The following EXOC6 variants were observed in gnomAD, a reference collection of about 807,000 sequenced individuals.
EXOC6 encodes exocyst complex component 6.
In EXOC6, 60 loss-of-function variants were observed where a neutral mutation model predicts 112.5. The ratio of observed to expected loss-of-function variants is 0.53; its 90% confidence interval spans 0.43 to 0.66. The LOEUF is 0.66. Ranked by LOEUF, EXOC6 falls within the 30% of genes least tolerant of loss-of-function variation. EXOC6 has a pLI of 0.00. For synonymous variants in EXOC6, 295 were observed against 308.0 expected (o/e 0.96, Z 0.44); for missense variants, 855 against 957.1 (o/e 0.89, Z 1.41).
intron 18 of EXOC6, among the ~76,000 whole-genome samples, chr10:92,991,803 C>T (rs1240418344): frequency 6.6e-6 from 1 of 151,346 alleles, no homozygotes; most frequent in African/African-American, 2.4e-5. Flanking sequence ...TGTCTCATAC[C>T]CTTATGATTG....
intron 20 of EXOC6, among the ~76,000 whole-genome samples, chr10:93,035,546 T>C (rs961029936): frequency 6.6e-6 from 1 of 152,190 alleles, no homozygotes; most frequent in Admixed American, 6.5e-5. Flanking sequence ...TACATAGCTA[T>C]AGTATTTGTC....
At chr10:92,864,975 A>G (rs1848108205) in intron 1 of EXOC6, among the ~76,000 whole-genome samples, 1 of 152,180 alleles carries the variant, frequency 6.6e-6, no homozygotes, top group Non-Finnish European at 1.5e-5. Context: ...ACCCTGACTA[A>G]TTCAGAAATT....
At position 93,056,361 on chromosome 10, in the gene EXOC6, A is replaced by G. The variant is rs917901519; in HGVS notation, c.2170-563A>G. Among the ~76,000 whole-genome samples, 6 of 152,336 alleles carry G rather than the reference A, an allele frequency of 3.9e-5. No homozygotes were observed. In the East Asian group the frequency reaches 7.7e-4, roughly 20 times the overall value. The stretch of plus-strand genomic sequence containing the variant: ...TAACAGGCTGAATCCTGAAGCCCTC[A>G]TTTCATAATACTACAGAGGATCTAT... On this transcript the variant is annotated intron_variant, in intron 20 of 21. Transcript: ENST00000260762.
chr10:92,952,262 T>G lies in EXOC6; in HGVS notation c.1417-11T>G. The G allele has an allele frequency of 6.5e-7, 1 of 1,532,528 alleles. No homozygotes were observed. The highest frequency in any genetic ancestry group is 1.8e-5 in the Admixed American group (1 of 54,156). 94.9% of individuals were successfully genotyped at this position (1,532,528 alleles called of 1,614,324 possible). ...AATTTCAAAAACAATATTAACTTTC[T>G]TTTTCTACAGCAGTCTTTCCCAAAG... On this transcript the variant is annotated splice_polypyrimidine_tract_variant and intron_variant, in intron 14 of 21. Coordinates refer to ENST00000260762, the MANE Select transcript of EXOC6 (RefSeq NM_019053.6).
chr10:92,915,716 A>G (rs780060306), intron 6 of EXOC6, 42 bp from the exon 7 acceptor site: 10 of 1,413,040 alleles, frequency 7.1e-6, no homozygotes, highest in Middle Eastern at 2.0e-4. Context: ...TTTGACCATA[A>G]TCAGTTTTGA....
intron 20 of EXOC6, among the ~76,000 whole-genome samples, chr10:93,033,655 A>G (rs1156774593): frequency 1.3e-5 from 2 of 152,244 alleles, no homozygotes; most frequent in East Asian, 3.8e-4. Flanking sequence ...AAATAAATTA[A>G]GCGTTTGTTA....
chr10:92,954,712 A>T lies in EXOC6; in HGVS notation c.1609A>T (p.Ile537Phe), dbSNP rs150320790. ...TTTGAGTAGCTGTTTACTGAACCTT[A>T]TTAGAAAACCTCATATAGGTTTGAC... Reference protein sequence around the residue: ...RTLSSCLLNLIRKPHIGLTEL... With the variant: ...RTLSSCLLNLFRKPHIGLTEL... Residue 537 changes from isoleucine to phenylalanine, a missense_variant, in exon 16 of 22, where the codon ATT becomes TTT. Coordinates refer to ENST00000260762, the MANE Select transcript of EXOC6 (RefSeq NM_019053.6). 2.5e-6 allele frequency: 4 copies of T among 1,595,802 alleles called. No individual in the cohort carries two copies. Among genetic ancestry groups the T allele is most frequent in the East Asian group, 4.5e-5 (2 of 44,672 alleles).
chr10:92,974,676 C>G (rs973265486), intron 18 of EXOC6, among the ~76,000 whole-genome samples: 1 of 151,096 alleles, frequency 6.6e-6, no homozygotes. Context: ...CCTGATTCTC[C>G]TGCCTCAGCC....
At chr10:92,899,494 A>C in intron 4 of EXOC6, 105 bp from the exon 5 acceptor site, 1 of 705,922 alleles carries the variant, frequency 1.4e-6, no homozygotes, top group Non-Finnish European at 2.3e-6. Context: ...AAGTTGTAGA[A>C]GTCTAATGAA....
At chr10:92,951,646 A>G (rs1415979115) in intron 14 of EXOC6, among the ~76,000 whole-genome samples, 2 of 152,192 alleles carry the variant, frequency 1.3e-5, no homozygotes, top group African/African-American at 4.8e-5. Flanking sequence ...TTTAATAACA[A>G]TCTTGGAAGG....
chr10:92,974,761 T>TTTC (rs922355475), intron 18 of EXOC6, among the ~76,000 whole-genome samples: 1 of 151,978 alleles, frequency 6.6e-6, no homozygotes, highest in African/African-American at 2.4e-5. Context: ...GGAGACGGGG[T>TTTC]TTCGCTGTGT....
chr10:92,993,932 C>T (rs1313639660), intron 18 of EXOC6, among the ~76,000 whole-genome samples: 1 of 152,164 alleles, frequency 6.6e-6, no homozygotes. Context: ...ACATAGGTTA[C>T]TTAGAGAATG....
upstream of EXOC6, chr10:92,848,453 CTTCG>C: frequency 1.5e-5 from 17 of 1,113,850 alleles, no homozygotes; most frequent in Non-Finnish European, 1.9e-5. Context: ...CGCCCCGCCC[CTTCG>C]CGCTCGCGCC....
chr10:92,961,846 G>T (rs539000067), intron 17 of EXOC6, among the ~76,000 whole-genome samples: 1 of 152,088 alleles, frequency 6.6e-6, no homozygotes, highest in Non-Finnish European at 1.5e-5. Flanking sequence ...TTGCAAACCT[G>T]ATGACAAACA....
At position 92,976,625 on chromosome 10, in the gene EXOC6, C is replaced by T. The variant is rs762157280; in HGVS notation, c.1953+2393C>T. ...CACTATTGTCCTATGACCCTGCCAT[C>T]CCCCTCTGCGAGAAACACCCAAGAA... On this transcript the variant is annotated intron_variant, in intron 18 of 21. Coordinates refer to ENST00000260762, the MANE Select transcript of EXOC6 (RefSeq NM_019053.6). Among the ~76,000 whole-genome samples the T allele has an allele frequency of 5.6e-3, 744 of 132,804 alleles. 2 individuals carry two copies. Among genetic ancestry groups the T allele is most frequent in the Non-Finnish European group, 7.4e-3 (463 of 62,292 alleles). The allele number at this position is 132,804 out of a possible 152,430, so 87.1% of individuals were successfully genotyped here.
rs1363932301 is a variant in EXOC6, at chr10:93,056,994, A to G, written c.2240A>G (p.Tyr747Cys). The G allele has an allele frequency of 1.9e-6, 3 of 1,596,572 alleles. No homozygotes were observed. In the South Asian group the frequency reaches 3.5e-5, roughly 18 times the overall value. The change falls in exon 21 of 22, where the codon TAC becomes TGC. Residue 747 changes from tyrosine (Y) to cysteine (C), a missense_variant. Coordinates refer to ENST00000260762, the MANE Select transcript of EXOC6 (RefSeq NM_019053.6). ...GATTATGGGCAGCCAGCTTCTAAGT[A>G]CCTTCGGGTGAATCCAAACACAGCC... ...LADYGQPASK[Y>C]LRVNPNTALT... is the part of the protein sequence containing the mutation.
intron 1 of EXOC6, among the ~76,000 whole-genome samples, chr10:92,870,105 C>A (rs926324704): frequency 6.6e-6 from 1 of 151,962 alleles, no homozygotes; most frequent in African/African-American, 2.4e-5. Flanking sequence ...GTGCCCACCA[C>A]CACGCCTGGC....
chr10:92,957,152 T>C (rs1157475688), intron 17 of EXOC6, among the ~76,000 whole-genome samples: 2 of 152,172 alleles, frequency 1.3e-5, no homozygotes, highest in Non-Finnish European at 1.5e-5. Flanking sequence ...ATGTTAGATT[T>C]TACATAATGC....
chr10:92,937,607 G>A (rs578195953), intron 12 of EXOC6, among the ~76,000 whole-genome samples: 22 of 152,132 alleles, frequency 1.4e-4, no homozygotes, highest in African/African-American at 4.6e-4. Flanking sequence ...TTTTAACAGC[G>A]GGATAAGGTG....
Sources: gnomAD v4.1 joint callset for allele counts (sites outside exome capture counted in the v4.1 genomes callset) on GRCh38, gnomAD v4.1.1 for gene constraint, MANE v1.5 for transcripts, NCBI Gene and HGNC (gene_info 2026-07-23, HGNC 2026-07-21) for gene names.